The following CNOT6 variants were observed in gnomAD, a reference collection of about 807,000 sequenced individuals.
CNOT6 encodes the protein CCR4-NOT transcription complex subunit 6, also known as carbon catabolite repression 4 protein.
In CNOT6, 12 loss-of-function variants were observed where a neutral mutation model predicts 61.2. The ratio of observed to expected loss-of-function variants is 0.20; its 90% CI spans 0.13 to 0.32. The LOEUF is 0.32. CNOT6 is among the 10% of genes least tolerant of loss of function. The probability of loss-of-function intolerance (pLI) is 1.00; values close to 1 mark genes in which losing one functional copy is unlikely to be tolerated. For synonymous variants in CNOT6, 225 were observed against 240.6 expected (o/e 0.94, Z 0.60); for missense variants, 405 against 663.9 (o/e 0.61, Z 4.28).
At chr5:180,559,684 C>T (rs568819709) in intron 4 of CNOT6, among the ~76,000 whole-genome samples, 6 of 152,132 alleles carry the variant, frequency 3.9e-5, no homozygotes, top group African/African-American at 1.4e-4. Flanking sequence ...CTCTTTGCTT[C>T]TGCCTGCCTA....
At chr5:180,520,556 C>T (rs1245422775) in intron 1 of CNOT6, among the ~76,000 whole-genome samples, 1 of 151,954 alleles carries the variant, frequency 6.6e-6, no homozygotes, top group Non-Finnish European at 1.5e-5. Flanking sequence ...GCAGGAGAAT[C>T]GCTTGAACCA....
intron 1 of CNOT6, among the ~76,000 whole-genome samples, chr5:180,528,551 G>A (rs975769502): frequency 2.0e-5 from 3 of 151,970 alleles, no homozygotes; most frequent in Non-Finnish European, 4.4e-5. Context: ...TCCTGACCTC[G>A]TGATTCACCC....
At chr5:180,522,228 G>A (rs1757910039) in intron 1 of CNOT6, among the ~76,000 whole-genome samples, 1 of 152,174 alleles carries the variant, frequency 6.6e-6, no homozygotes, top group Admixed American at 6.5e-5. Flanking sequence ...AGGCTCAGAC[G>A]ATCCTCCCAA....
chr5:180,505,783 T>C (rs1268887568), intron 1 of CNOT6, among the ~76,000 whole-genome samples: 1 of 151,132 alleles, frequency 6.6e-6, no homozygotes, highest in Non-Finnish European at 1.5e-5. Flanking sequence ...CTCCTGACCT[T>C]GTGATCCGCC....
At chr5:180,566,897 G>T (rs1030064467) in intron 7 of CNOT6, among the ~76,000 whole-genome samples, 191 bp from the exon 8 acceptor site, 2 of 152,062 alleles carry the variant, frequency 1.3e-5, no homozygotes, top group African/African-American at 4.8e-5. Flanking sequence ...CTAGTGATCC[G>T]CCCGCCTCGG....
At chr5:180,512,660 A>G (rs1260204449) in intron 1 of CNOT6, among the ~76,000 whole-genome samples, 2 of 151,936 alleles carry the variant, frequency 1.3e-5, no homozygotes, top group African/African-American at 2.4e-5. Context: ...GCAGTGGCGC[A>G]ATGTCTGCTC....
chr5:180,524,855 A>T (rs1377386733), intron 1 of CNOT6, among the ~76,000 whole-genome samples: 2 of 152,254 alleles, frequency 1.3e-5, no homozygotes, highest in African/African-American at 4.8e-5. Context: ...GGGAAAGCTA[A>T]TGAAGATCAG....
chr5:180,549,710 T>G (rs967737957), intron 2 of CNOT6, among the ~76,000 whole-genome samples: 1 of 152,164 alleles, frequency 6.6e-6, no homozygotes, highest in African/African-American at 2.4e-5. Flanking sequence ...CTAAGTAGTA[T>G]TGGTACATTA....
In CNOT6 at chr5:180,505,251, ATTTT is replaced by A. The variant is rs70973919; in HGVS notation, c.-3+10507_-3+10510del. On this transcript the variant is annotated intron_variant, in intron 1 of 11. Coordinates refer to ENST00000261951, the MANE Select transcript of CNOT6 (RefSeq NM_001370472.1). ...CTGGGATTACAGGCGGTAATAGTTAATTTTTTTTTTTTTTTTTTTTTTGAGACGG... is the reference window on the plus strand; with the variant it reads ...CTGGGATTACAGGCGGTAATAGTTAATTTTTTTTTTTTTTTTTTGAGACGG... Among the ~76,000 whole-genome samples the A allele has an allele frequency of 4.3e-4, 26 of 60,410 alleles. 1 individual carries two copies. The South Asian group carries it at 4.9e-3, about 11-fold the overall frequency. The allele number at this position is 60,410 out of a possible 152,430, so 39.6% of individuals were successfully genotyped here. A position where few individuals can be genotyped will look rare whatever the true frequency, so the allele number is the denominator to read the frequency against.
intron 1 of CNOT6, among the ~76,000 whole-genome samples, chr5:180,509,227 G>A (rs1051806069): frequency 6.6e-6 from 1 of 152,296 alleles, no homozygotes; most frequent in East Asian, 1.9e-4. Flanking sequence ...CGCCTCCTGG[G>A]CTCAAGCCGT....
chr5:180,569,575 C>T (rs1029374645), intron 10 of CNOT6, among the ~76,000 whole-genome samples: 6 of 152,114 alleles, frequency 3.9e-5, no homozygotes, highest in African/African-American at 1.2e-4. Context: ...TAAGCAATAA[C>T]GTGAAATAAC....
intron 1 of CNOT6, among the ~76,000 whole-genome samples, chr5:180,510,124 G>A (rs538216339): frequency 1.0e-4 from 11 of 109,096 alleles, no homozygotes; most frequent in African/African-American, 3.4e-4. Context: ...GAGGTTTATC[G>A]TCTGTAAACC....
chr5:180,573,837 G>T, intron 11 of CNOT6, 151 bp from the exon 12 acceptor site: 1 of 601,084 alleles, frequency 1.7e-6, no homozygotes, highest in Non-Finnish European at 3.0e-6. Context: ...GGACCATTTG[G>T]TGTATGTAGT....
intron 2 of CNOT6, among the ~76,000 whole-genome samples, chr5:180,544,647 C>A (rs541649621): frequency 6.6e-6 from 1 of 152,316 alleles, no homozygotes; most frequent in African/African-American, 2.4e-5. Flanking sequence ...ATTATGATCA[C>A]CCTGTATGGG....
At chr5:180,523,395 A>G (rs1431864548) in intron 1 of CNOT6, among the ~76,000 whole-genome samples, 1 of 151,962 alleles carries the variant, frequency 6.6e-6, no homozygotes, top group African/African-American at 2.4e-5. Context: ...GGTTTTTACT[A>G]TTTTGTAACT....
At position 180,556,123 on chromosome 5, in the gene CNOT6, A is replaced by G. The variant is rs1367679839; in HGVS notation, c.385+2652A>G. ...CAAAACTATAGTTTCACGTTATCGT[A>G]CATAGAACAGTCAAGACACAGAATA... is the stretch of plus-strand genomic sequence containing the variant. On this transcript the variant is annotated intron_variant, in intron 4 of 11. Coordinates refer to ENST00000261951, the MANE Select transcript of CNOT6 (RefSeq NM_001370472.1). 2.0e-5 allele frequency among the ~76,000 whole-genome samples: 3 copies of G among 152,372 alleles called. No homozygotes were observed. The East Asian group carries it at 5.8e-4, about 29-fold the overall frequency.
chr5:180,562,511 C>T (rs531917284), intron 4 of CNOT6, among the ~76,000 whole-genome samples: 10 of 152,064 alleles, frequency 6.6e-5, no homozygotes, highest in East Asian at 1.9e-4. Flanking sequence ...GAGGCCGAGT[C>T]GGGTGGATCA....
intron 1 of CNOT6, among the ~76,000 whole-genome samples, chr5:180,522,533 G>T (rs1173226619): frequency 6.7e-6 from 1 of 148,994 alleles, no homozygotes; most frequent in Non-Finnish European, 1.5e-5. Flanking sequence ...GCCAGCATCT[G>T]TTAGTTTTTA....
At chr5:180,528,543 C>G (rs961613997) in intron 1 of CNOT6, among the ~76,000 whole-genome samples, 1 of 152,100 alleles carries the variant, frequency 6.6e-6, no homozygotes, top group Admixed American at 6.5e-5. Context: ...TCTCAATCTC[C>G]TGACCTCGTG....
Sources: gnomAD v4.1 joint callset for allele counts (sites outside exome capture counted in the v4.1 genomes callset) on GRCh38, gnomAD v4.1.1 for gene constraint, MANE v1.5 for transcripts, NCBI Gene and HGNC (gene_info 2026-07-23, HGNC 2026-07-21) for gene names.